The following CAMK2D variants were observed in gnomAD, a reference collection of about 807,000 sequenced individuals.
CAMK2D encodes the protein calcium/calmodulin-dependent protein kinase type II subunit delta.
In CAMK2D, 37 loss-of-function variants were observed where a neutral mutation model predicts 84.0. The observed-to-expected ratio is 0.44, with a 90% CI of 0.34 to 0.58. CAMK2D has a LOEUF of 0.58. Ranked by LOEUF, CAMK2D falls within the 20% of genes least tolerant of loss-of-function variation. CAMK2D has a pLI of 0.02. For missense variants in CAMK2D, 448 were observed against 652.5 expected (o/e 0.69, Z 3.41); for synonymous variants, 202 against 212.5 (o/e 0.95, Z 0.43).
intron 16 of CAMK2D, among the ~76,000 whole-genome samples, chr4:113,468,258 G>A (rs917902132): frequency 3.9e-5 from 6 of 152,160 alleles, no homozygotes; most frequent in African/African-American, 1.4e-4. Context: ...GGGTTGTCCT[G>A]CATAAACAAA....
chr4:113,701,291 C>G (rs914736020), intron 2 of CAMK2D, among the ~76,000 whole-genome samples: 2 of 152,138 alleles, frequency 1.3e-5, no homozygotes, highest in East Asian at 1.9e-4. Context: ...TATTTTTTCC[C>G]TCTGTCTCTT....
intron 2 of CAMK2D, among the ~76,000 whole-genome samples, chr4:113,698,374 T>C (rs1340770953): frequency 6.6e-6 from 1 of 152,034 alleles, no homozygotes; most frequent in Non-Finnish European, 1.5e-5. Context: ...CAAAGATCTC[T>C]CTGTGCCTCA....
At chr4:113,526,077 C>T (rs2098415119) in intron 8 of CAMK2D, among the ~76,000 whole-genome samples, 1 of 152,178 alleles carries the variant, frequency 6.6e-6, no homozygotes, top group African/African-American at 2.4e-5. Context: ...CCAAATCCCA[C>T]AACAATGACC....
chr4:113,589,135 CAGA>C (rs2098847255), intron 4 of CAMK2D, among the ~76,000 whole-genome samples: 1 of 151,338 alleles, frequency 6.6e-6, no homozygotes, highest in Non-Finnish European at 1.5e-5. Context: ...CTGAGTGGGT[CAGA>C]AGGAGAGCAG....
chr4:113,638,957 T>C (rs1350181551), intron 3 of CAMK2D, among the ~76,000 whole-genome samples: 2 of 151,842 alleles, frequency 1.3e-5, no homozygotes, highest in Admixed American at 6.6e-5. Flanking sequence ...AATATAAAAA[T>C]GTAGGTTTGG....
At chr4:113,578,955 A>T (rs2154238572) in intron 4 of CAMK2D, among the ~76,000 whole-genome samples, 1 of 143,950 alleles carries the variant, frequency 6.9e-6, no homozygotes, top group East Asian at 2.0e-4. Flanking sequence ...CAATTAAAAA[A>T]TATGCTACAA....
chr4:113,670,180 G>C (rs2099274438), intron 2 of CAMK2D, among the ~76,000 whole-genome samples: 2 of 152,308 alleles, frequency 1.3e-5, no homozygotes, highest in Middle Eastern at 3.4e-3. Flanking sequence ...TACTCTGGAG[G>C]CTGAGGCAGG....
At chr4:113,583,748 C>T (rs1287328590) in intron 4 of CAMK2D, among the ~76,000 whole-genome samples, 1 of 152,156 alleles carries the variant, frequency 6.6e-6, no homozygotes, top group Non-Finnish European at 1.5e-5. Context: ...AATGTACTTA[C>T]TGAAGTTATT....
chr4:113,612,721 A>G (rs1055350523), intron 3 of CAMK2D, among the ~76,000 whole-genome samples: 1 of 152,248 alleles, frequency 6.6e-6, no homozygotes, highest in Non-Finnish European at 1.5e-5. Flanking sequence ...AGGTAAAATT[A>G]CGTGTATGAA....
At chr4:113,560,231 A>AT (rs60828884) in intron 4 of CAMK2D, among the ~76,000 whole-genome samples, 5,504 of 143,988 alleles carry the variant, frequency 0.038, 318 homozygotes, top group East Asian at 0.19. Context: ...TTCTCACAGC[A>AT]TTTTTTTTTT....
rs1009971258 is a variant in CAMK2D, at chr4:113,513,979, C to T, written c.820-66G>A. On this transcript the variant is annotated intron_variant, in intron 10 of 20. Coordinates refer to ENST00000511664, the MANE Select transcript of CAMK2D (RefSeq NM_001321571.2). ...TAAAACACACTAAGTATAATAATGT[C>T]CCTGACTTCATCAAATATTTATTAA... The T allele has an allele frequency of 1.2e-5, 8 of 695,106 alleles. No homozygotes were observed. In the South Asian group the frequency reaches 1.3e-4, roughly 11 times the overall value. The allele number at this position is 695,106 out of a possible 1,614,324, so 43.1% of individuals were successfully genotyped here. A position where few individuals can be genotyped will look rare whatever the true frequency, so the allele number is the denominator to read the frequency against.
At chr4:113,629,907 A>G (rs1164518230) in intron 3 of CAMK2D, among the ~76,000 whole-genome samples, 1 of 151,524 alleles carries the variant, frequency 6.6e-6, no homozygotes, top group Admixed American at 6.6e-5. Context: ...ATAATTCACA[A>G]TGTTTAAAAA....
At chr4:113,729,519 G>C (rs1160997858) in intron 2 of CAMK2D, among the ~76,000 whole-genome samples, 1 of 151,730 alleles carries the variant, frequency 6.6e-6, no homozygotes, top group Non-Finnish European at 1.5e-5. Flanking sequence ...CTCTTTTCTT[G>C]CTGGCTGCTC....
In CAMK2D at chr4:113,630,473, T is replaced by C. The variant is rs141781800; in HGVS notation, c.221-21267A>G. Among the ~76,000 whole-genome samples the C allele has an allele frequency of 3.3e-5, 5 of 152,302 alleles. No homozygotes were observed. The East Asian group carries it at 9.6e-4, about 29-fold the overall frequency. ...TTCTAAGAAATTTATTAAACCAATA[T>C]TGAATAGCTTCCAGAATTGTTGGGA... On this transcript the variant is annotated intron_variant, in intron 3 of 20. Transcript: ENST00000511664.
At chr4:113,530,165 T>C (rs2098448444) in intron 8 of CAMK2D, among the ~76,000 whole-genome samples, 1 of 152,176 alleles carries the variant, frequency 6.6e-6, no homozygotes, top group Admixed American at 6.5e-5. Flanking sequence ...GGACCAGAAA[T>C]GTTTCAGATT....
intron 16 of CAMK2D, among the ~76,000 whole-genome samples, chr4:113,492,478 C>T (rs1452264909): frequency 2.0e-5 from 3 of 152,122 alleles, no homozygotes; most frequent in Non-Finnish European, 2.9e-5. Context: ...ATCCTGAGAT[C>T]GAGTTTGATT....
At chr4:113,737,333 C>T (rs544794974) in intron 2 of CAMK2D, among the ~76,000 whole-genome samples, 152 of 152,188 alleles carry the variant, frequency 1.0e-3, no homozygotes, top group African/African-American at 3.4e-3. Context: ...AATTCTGACA[C>T]ACACTACAAT....
At chr4:113,625,685 A>AG (rs2099064920) in intron 3 of CAMK2D, among the ~76,000 whole-genome samples, 1 of 152,110 alleles carries the variant, frequency 6.6e-6, no homozygotes, top group Non-Finnish European at 1.5e-5. Flanking sequence ...TGTGAGTATG[A>AG]GGGGTTATAC....
At chr4:113,727,193 A>C (rs2099548620) in intron 2 of CAMK2D, among the ~76,000 whole-genome samples, 1 of 152,214 alleles carries the variant, frequency 6.6e-6, no homozygotes, top group African/African-American at 2.4e-5. Context: ...CATTCAAAGA[A>C]ACATCAGGAC....
Sources: allele counts gnomAD v4.1 joint callset (sites outside exome capture counted in the v4.1 genomes callset), GRCh38; gene constraint gnomAD v4.1.1; transcripts MANE v1.5; gene names NCBI Gene and HGNC (gene_info 2026-07-23, HGNC 2026-07-21).